RSF1: variants seen among roughly 807,000 people sequenced by gnomAD.
RSF1 encodes HBV pX-associated protein 8.
In RSF1, 13 loss-of-function variants were observed where a neutral mutation model predicts 145.2. The observed-to-expected ratio is 0.09, with a 90% confidence interval of 0.06 to 0.14. RSF1 has a LOEUF of 0.14. RSF1 is among the 10% of genes least tolerant of loss of function. The probability of loss-of-function intolerance (pLI) is 1.00; values close to 1 mark genes in which losing one functional copy is unlikely to be tolerated. For missense variants in RSF1, 1,517 were observed against 1,718.2 expected (o/e 0.88, Z 2.07); for synonymous variants, 577 against 592.6 (o/e 0.97, Z 0.38).
intron 5 of RSF1, among the ~76,000 whole-genome samples, chr11:77,712,108 T>G (rs1328613530): frequency 6.6e-6 from 1 of 152,234 alleles, no homozygotes; most frequent in East Asian, 1.9e-4. Flanking sequence ...CCTGATATGG[T>G]TTGGCTGTGT....
intron 1 of RSF1, among the ~76,000 whole-genome samples, chr11:77,808,228 G>A (rs1460629761): frequency 1.3e-5 from 2 of 151,932 alleles, no homozygotes; most frequent in Admixed American, 1.3e-4. Flanking sequence ...CAGCTATTCA[G>A]GAGGCTGAGG....
chr11:77,869,672 A>G, the RSF1 span: 2 of 1,526,890 alleles, frequency 1.3e-6, no homozygotes, highest in South Asian at 2.2e-5. Context: ...TGCCTATTGC[A>G]ATGAAAGATT....
chr11:77,690,557 G>A (rs964888049), intron 9 of RSF1, among the ~76,000 whole-genome samples: 3 of 152,078 alleles, frequency 2.0e-5, no homozygotes, highest in Non-Finnish European at 2.9e-5. Flanking sequence ...CTCAGCCTCC[G>A]AGTAGTTGGG....
At position 77,671,212 on chromosome 11, in the gene RSF1, C is replaced by CACTA. The variant is rs1554983939; in HGVS notation, c.3751+829_3751+830insTAGT. The stretch of plus-strand genomic sequence containing the variant: ...ATATATGTGTGTATATATATATACA[C>CACTA]TATATATATATAATTTAAGTAAAAC... On this transcript the variant is annotated intron_variant, in intron 15 of 15. Transcript: ENST00000308488. Among the ~76,000 whole-genome samples the CACTA allele has an allele frequency of 8.4e-5, 9 of 106,750 alleles. 1 individual carries two copies. The highest frequency in any genetic ancestry group is 3.2e-4 in the African/African-American group (9 of 28,046). 70.0% of individuals were successfully genotyped at this position (106,750 alleles called of 152,430 possible).
chr11:77,792,946 C>G (rs943102807), intron 1 of RSF1, among the ~76,000 whole-genome samples: 2 of 151,862 alleles, frequency 1.3e-5, no homozygotes, highest in Non-Finnish European at 2.9e-5. Flanking sequence ...TGAAAACACA[C>G]AAAAGTATAA....
At position 77,724,123 on chromosome 11, in the gene RSF1, A is replaced by C. The variant is rs186347806; in HGVS notation, c.733+1422T>G. On this transcript the variant is annotated intron_variant, in intron 5 of 15. Coordinates refer to ENST00000308488, the MANE Select transcript of RSF1 (RefSeq NM_016578.4). ...GAATAAACATTTTTCCAAAGAAGAT[A>C]TACAAATGGCCAATAAACACTTGAA... 1.7e-3 allele frequency among the ~76,000 whole-genome samples: 260 copies of C among 152,362 alleles called. 1 individual carries two copies. The highest frequency in any genetic ancestry group is 5.9e-3 in the African/African-American group (244 of 41,586).
chr11:77,735,966 T>C (rs1005352642), intron 4 of RSF1, among the ~76,000 whole-genome samples: 3 of 152,216 alleles, frequency 2.0e-5, no homozygotes, highest in Admixed American at 6.5e-5. Context: ...CTCGATATCT[T>C]GACCTCATGA....
chr11:77,810,097 G>T (rs749299083), intron 1 of RSF1, among the ~76,000 whole-genome samples: 1 of 152,122 alleles, frequency 6.6e-6, no homozygotes, highest in Non-Finnish European at 1.5e-5. Flanking sequence ...TTCTTTCCCA[G>T]TCCTGTGTCC....
At chr11:77,802,295 G>A (rs557584367) in intron 1 of RSF1, among the ~76,000 whole-genome samples, 6 of 152,274 alleles carry the variant, frequency 3.9e-5, no homozygotes, top group African/African-American at 1.4e-4. Flanking sequence ...GGGGACCCTT[G>A]GAACCCAATA....
At chr11:77,684,943 C>T (rs527414612) in intron 10 of RSF1, among the ~76,000 whole-genome samples, 162 bp downstream of exon 10, 4 of 152,002 alleles carry the variant, frequency 2.6e-5, no homozygotes, top group South Asian at 2.1e-4. Context: ...GCAGAGATTG[C>T]GCCATTGCAC....
At chr11:77,708,191 G>A (rs1000656208) in intron 5 of RSF1, among the ~76,000 whole-genome samples, 8 of 152,138 alleles carry the variant, frequency 5.3e-5, no homozygotes, top group African/African-American at 1.9e-4. Flanking sequence ...GGGCCAAAGT[G>A]GGCAGATCAT....
intron 5 of RSF1, among the ~76,000 whole-genome samples, chr11:77,713,267 A>T (rs1960728742): frequency 6.6e-6 from 1 of 152,140 alleles, no homozygotes; most frequent in Non-Finnish European, 1.5e-5. Context: ...GAGATTATAG[A>T]TATTGGTAAC....
chr11:77,833,356 CAGTG>C, the RSF1 span, among the ~76,000 whole-genome samples: 1 of 152,018 alleles, frequency 6.6e-6, no homozygotes, highest in East Asian at 1.9e-4. Context: ...TGATGGGAGA[CAGTG>C]ACAGATCATC....
intron 1 of RSF1, chr11:77,813,738 G>T: frequency 2.9e-6 from 1 of 341,492 alleles, no homozygotes; most frequent in South Asian, 2.8e-5. Flanking sequence ...AGTGAGTAAG[G>T]AGCAGGAGCC....
At chr11:77,712,210 C>A (rs915840900) in intron 5 of RSF1, among the ~76,000 whole-genome samples, 1 of 152,186 alleles carries the variant, frequency 6.6e-6, no homozygotes. Flanking sequence ...GTGGTTCCCC[C>A]ATACTGTTCT....
intron 12 of RSF1, 24 bp from the exon 13 acceptor site, chr11:77,677,023 G>T: frequency 6.3e-7 from 1 of 1,575,384 alleles, no homozygotes; most frequent in South Asian, 1.1e-5. Context: ...AGGGAAGTTC[G>T]GGGAGAGAAA....
chr11:77,773,229 T>C (rs1948306136), intron 1 of RSF1, among the ~76,000 whole-genome samples: 1 of 152,206 alleles, frequency 6.6e-6, no homozygotes, highest in South Asian at 2.1e-4. Flanking sequence ...GTGTATTACA[T>C]TATTTATTTA....
chr11:77,800,088 T>A (rs1948611878), intron 1 of RSF1, among the ~76,000 whole-genome samples: 1 of 152,162 alleles, frequency 6.6e-6, no homozygotes, highest in South Asian at 2.1e-4. Context: ...AAGGCCAAAG[T>A]GCCCTACGAT....
intron 1 of RSF1, among the ~76,000 whole-genome samples, chr11:77,792,871 C>A (rs1001762577): frequency 6.6e-6 from 1 of 151,890 alleles, no homozygotes; most frequent in Admixed American, 6.6e-5. Flanking sequence ...ACCATTAGAC[C>A]AGACCTACAA....
Sources: gnomAD v4.1 joint callset for allele counts (sites outside exome capture counted in the v4.1 genomes callset) on GRCh38, gnomAD v4.1.1 for gene constraint, MANE v1.5 for transcripts, NCBI Gene and HGNC (gene_info 2026-07-23, HGNC 2026-07-21) for gene names.